Variants in CDH23 observed in about 807,000 individuals in gnomAD.
CDH23 encodes cadherin related 23, also known as cadherin-23.
In CDH23, 189 loss-of-function variants were observed where a neutral mutation model predicts 317.1. The ratio of observed to expected loss-of-function variants is 0.60; its 90% CI spans 0.53 to 0.67. CDH23 has a LOEUF of 0.67. CDH23 is among the 30% of genes least tolerant of loss of function. The pLI, the probability that CDH23 is intolerant of heterozygous loss-of-function variation, is 0.00. For missense variants in CDH23, 4,401 were observed against 4,592.4 expected (o/e 0.96, Z 1.20); for synonymous variants, 1,839 against 1,876.8 (o/e 0.98, Z 0.52).
At position 71,779,301 on chromosome 10, in the gene CDH23, T is replaced by C; in HGVS notation, c.5222T>C (p.Val1741Ala). The change falls in exon 41 of 70, where the codon GTG becomes GCG. Residue 1741 changes from valine to alanine, a missense_variant. Val to Ala is a moderately conservative substitution (Grantham distance 64). This residue lies in a region of CDH23 where 3,068 missense variants were observed against 3,203.3 expected (regional missense o/e 0.96). Transcript: ENST00000224721. ...AATGTGAATGACATCAACGACAATGTGCCTACCTTCCCCCGGGACTATGAG... is the reference window on the plus strand; with the variant it reads ...AATGTGAATGACATCAACGACAATGCGCCTACCTTCCCCCGGGACTATGAG... ...LVNVNDINDN[V>A]PTFPRDYEGP... 6.2e-7 allele frequency: 1 copy of C among 1,614,026 alleles called. No homozygotes were observed. Among genetic ancestry groups the C allele is most frequent in the Admixed American group, 1.7e-5 (1 of 60,024 alleles).
At chr10:71,691,932 T>C (rs767089711) in intron 20 of CDH23, among the ~76,000 whole-genome samples, 27 of 152,188 alleles carry the variant, frequency 1.8e-4, no homozygotes, top group Non-Finnish European at 3.7e-4. Context: ...CCAGGGCCAC[T>C]GTGAGCCTCC....
At chr10:71,582,044 A>T (rs977589760) in intron 9 of CDH23, among the ~76,000 whole-genome samples, 1 of 152,198 alleles carries the variant, frequency 6.6e-6, no homozygotes, top group African/African-American at 2.4e-5. Context: ...TAATCCACAC[A>T]TGGATGAGAG....
intron 25 of CDH23, among the ~76,000 whole-genome samples, chr10:71,706,617 A>G (rs897605873): frequency 5.9e-5 from 9 of 152,188 alleles, no homozygotes; most frequent in Non-Finnish European, 1.0e-4. Context: ...GAGAGGTTCT[A>G]AGGTTTTCTC....
chr10:71,424,459 A>G (rs1352377632), intron 1 of CDH23, among the ~76,000 whole-genome samples: 1 of 152,210 alleles, frequency 6.6e-6, no homozygotes, highest in African/African-American at 2.4e-5. Context: ...AAGATGTATC[A>G]CTTAACTCAA....
intron 28 of CDH23, chr10:71,717,414 C>T (rs1278482158): frequency 6.6e-6 from 1 of 152,268 alleles, no homozygotes; most frequent in South Asian, 2.1e-4. Flanking sequence ...GGGAAATAAA[C>T]CCACAAGGAG....
chr10:71,646,943 C>T (rs1012959826), intron 14 of CDH23: 13 of 985,166 alleles, frequency 1.3e-5, no homozygotes, highest in Non-Finnish European at 1.4e-5. Flanking sequence ...TGGGAAGGTG[C>T]CAGCCATCCT....
At chr10:71,630,779 G>T (rs1010145322) in intron 11 of CDH23, among the ~76,000 whole-genome samples, 4 of 152,198 alleles carry the variant, frequency 2.6e-5, no homozygotes, top group African/African-American at 9.6e-5. Context: ...TCTCTGTGGT[G>T]TCAATGCTCC....
In CDH23 at chr10:71,779,188, A is replaced by G. The variant is rs577267445; in HGVS notation, c.5188-79A>G. ...CTCATGAGGCAGAATTATCAGGTCCATTTCACAGAGGAAGGAACTGAGGCC... is the reference window on the plus strand; with the variant it reads ...CTCATGAGGCAGAATTATCAGGTCCGTTTCACAGAGGAAGGAACTGAGGCC... On this transcript the variant is annotated intron_variant, in intron 40 of 69. Coordinates refer to ENST00000224721, the MANE Select transcript of CDH23 (RefSeq NM_022124.6). 29 of 1,376,096 alleles carry G rather than the reference A, an allele frequency of 2.1e-5. No individual in the cohort carries two copies. In the South Asian group the frequency reaches 2.5e-4, roughly 12 times the overall value. 85.2% of individuals were successfully genotyped at this position (1,376,096 alleles called of 1,614,324 possible).
At chr10:71,790,211 C>T (rs1269345113) in intron 45 of CDH23, 77 bp from the exon 46 acceptor site, 87 of 1,563,354 alleles carry the variant, frequency 5.6e-5, no homozygotes, top group Non-Finnish European at 1.2e-5. Flanking sequence ...AGCCATGGCT[C>T]ACCGGGACAG....
chr10:71,695,826 G>GA (rs1865367449), intron 22 of CDH23, among the ~76,000 whole-genome samples: 1 of 152,138 alleles, frequency 6.6e-6, no homozygotes, highest in Non-Finnish European at 1.5e-5. Context: ...AGCCACACGT[G>GA]CCCTTAGAGC....
chr10:71,793,130 C>G, intron 47 of CDH23, 52 bp from the exon 48 acceptor site: 2 of 1,387,644 alleles, frequency 1.4e-6, no homozygotes, highest in Non-Finnish European at 2.0e-6. Flanking sequence ...CTTGGTAGAT[C>G]TTTCTGGAAG....
intron 34 of CDH23, among the ~76,000 whole-genome samples, chr10:71,735,386 G>A (rs1839535221): frequency 6.6e-6 from 1 of 152,220 alleles, no homozygotes; most frequent in Non-Finnish European, 1.5e-5. Flanking sequence ...CCTAGAAGAG[G>A]CGGCCCGGCC....
Position 71,815,071 on chromosome 10 carries a change from C to A in CDH23, c.9858C>A (p.His3286Gln), listed in dbSNP as rs761835004. The change falls in exon 70 of 70, where the codon CAC (histidine) becomes CAA (glutamine). Residue 3286 changes from histidine to glutamine, a missense_variant. Coordinates refer to ENST00000224721, the MANE Select transcript of CDH23 (RefSeq NM_022124.6). ...GGCCCGATGGGATCCATGTGGTGCA[C>A]GGCAGCACGGGCACGCTGCTGGCCA... is the stretch of plus-strand genomic sequence containing the variant. ...LKGPDGIHVV[H>Q]GSTGTLLATD... The A allele has an allele frequency of 7.4e-6, 12 of 1,611,738 alleles. No individual in the cohort carries two copies. Among genetic ancestry groups the A allele is most frequent in the Non-Finnish European group, 8.5e-6 (10 of 1,179,336 alleles).
rs1861248500 is a variant in CDH23 at position 71,617,409 on chromosome 10, C to T, written c.1134+16C>T. 2 of 1,611,466 alleles carry T rather than the reference C, an allele frequency of 1.2e-6. No individual in the cohort carries two copies. Among genetic ancestry groups the T allele is most frequent in the East Asian group, 2.2e-5 (1 of 44,878 alleles). ...CAAGGATGAGGTGAGTCCCTGGACACATGGCCCATGCAGACCCACCACCCA... is the reference window on the plus strand; with the variant it reads ...CAAGGATGAGGTGAGTCCCTGGACATATGGCCCATGCAGACCCACCACCCA... On this transcript the variant is annotated intron_variant, in intron 11 of 69. Transcript: ENST00000224721.
chr10:71,617,882 C>T (rs4746086), intron 11 of CDH23, among the ~76,000 whole-genome samples: 6,696 of 151,698 alleles, frequency 0.044, 173 homozygotes, highest in South Asian at 0.09. Context: ...ATCCCAGCTA[C>T]GTGAGAGGCT....
intron 3 of CDH23, among the ~76,000 whole-genome samples, chr10:71,462,750 C>G (rs143322381): frequency 5.9e-5 from 9 of 152,236 alleles, no homozygotes; most frequent in Admixed American, 1.3e-4. Context: ...ATCAGGATGG[C>G]AACTCCTGTT....
chr10:71,398,904 A>G (rs1481423960), intron 1 of CDH23, among the ~76,000 whole-genome samples: 3 of 152,114 alleles, frequency 2.0e-5, no homozygotes, highest in African/African-American at 7.2e-5. Flanking sequence ...GGAGGCCCAG[A>G]GCTAGCATCC....
rs551980223 is a variant in CDH23, at chr10:71,751,903, A to G, written c.4845+9982A>G. The G allele has an allele frequency of 9.8e-6, 15 of 1,535,060 alleles. No individual in the cohort carries two copies. In the African/African-American group the frequency reaches 1.8e-4, roughly 18 times the overall value. On this transcript the variant is annotated intron_variant, in intron 38 of 69. Coordinates refer to ENST00000224721, the MANE Select transcript of CDH23 (RefSeq NM_022124.6). This position sits in a 1 kb window ranked among gnomAD's most constrained non-coding sequence, Gnocchi z 4.9. ...ATGGAAGGTCATCTGTGCTGTCCGG[A>G]GCGTGAACTCTGCCCTCCCTGCCCC...
At chr10:71,768,894 A>G (rs974293727) in intron 38 of CDH23, among the ~76,000 whole-genome samples, 23 of 152,214 alleles carry the variant, frequency 1.5e-4, no homozygotes, top group Non-Finnish European at 1.9e-4. Context: ...AGAGATTAGT[A>G]TCTTGCCCAC....
Sources: allele counts gnomAD v4.1 joint callset (sites outside exome capture counted in the v4.1 genomes callset), GRCh38; gene constraint gnomAD v4.1.1; regional missense constraint gnomAD v4.1.1; non-coding constraint Gnocchi (gnomAD v3.1); transcripts MANE v1.5; gene names NCBI Gene and HGNC (gene_info 2026-07-23, HGNC 2026-07-21).